Variants in ATP8A1 observed in about 807,000 individuals in gnomAD.
ATP8A1 encodes the protein ATPase phospholipid transporting 8A1.
Under a neutral mutation model 177.7 loss-of-function variants are expected in ATP8A1, and 90 were observed. That is an observed-to-expected ratio of 0.51 (90% CI 0.43 to 0.60). The LOEUF (loss-of-function observed/expected upper bound fraction) is 0.60. Among genes scored for constraint, ATP8A1 ranks in the 20% least tolerant of loss-of-function variants. The pLI is 0.00. For missense variants in ATP8A1, 1,072 were observed against 1,392.8 expected (o/e 0.77, Z 3.67); for synonymous variants, 493 against 485.9 (o/e 1.01, Z -0.19).
intron 6 of ATP8A1, among the ~76,000 whole-genome samples, chr4:42,593,528 G>C (rs1389886238): frequency 6.6e-6 from 1 of 151,716 alleles, no homozygotes; most frequent in Admixed American, 6.6e-5. Context: ...ATGATGACCT[G>C]ATTAAATAAA....
chr4:42,433,868 A>C (rs1319851430), intron 33 of ATP8A1, among the ~76,000 whole-genome samples: 1 of 151,504 alleles, frequency 6.6e-6, no homozygotes, highest in Non-Finnish European at 1.5e-5. Context: ...AAAAAAAAAA[A>C]CGATTAAAAA....
chr4:42,529,638 G>A (rs1727060123), intron 20 of ATP8A1, among the ~76,000 whole-genome samples: 1 of 152,226 alleles, frequency 6.6e-6, no homozygotes, highest in South Asian at 2.1e-4. Context: ...CTCATGGGGA[G>A]TTCCCTATGA....
intron 10 of ATP8A1, among the ~76,000 whole-genome samples, chr4:42,581,293 C>T (rs1168171713): frequency 6.6e-6 from 1 of 152,100 alleles, no homozygotes; most frequent in Non-Finnish European, 1.5e-5. Flanking sequence ...ACTACCACGC[C>T]CGGCTAATTT....
In ATP8A1 at chr4:42,423,442, C is replaced by T. The variant is rs1714221525; in HGVS notation, c.3212+175G>A. On this transcript the variant is annotated intron_variant, in intron 34 of 36. Coordinates refer to ENST00000381668, the MANE Select transcript of ATP8A1 (RefSeq NM_006095.2). ...AAACTACCCGCTTTACTACTCATTT[C>T]GTCTTTTAAACTAGTTTTCTAGTTC... 2.0e-5 allele frequency among the ~76,000 whole-genome samples: 3 copies of T among 152,120 alleles called. 1 individual carries two copies. The highest frequency in any genetic ancestry group is 4.1e-4 in the South Asian group (2 of 4,824).
intron 2 of ATP8A1, chr4:42,626,453 T>C (rs1489378795): frequency 6.6e-6 from 1 of 152,582 alleles, no homozygotes; most frequent in Admixed American, 6.5e-5. Flanking sequence ...GGTGTTTATG[T>C]GGTCCCAGAA....
At chr4:42,536,783 T>A (rs1727870329) in intron 20 of ATP8A1, among the ~76,000 whole-genome samples, 1 of 151,936 alleles carries the variant, frequency 6.6e-6, no homozygotes, top group African/African-American at 2.4e-5. Flanking sequence ...GCAGAGATGG[T>A]TTAACATCTG....
chr4:42,604,821 T>C (rs933416595), intron 5 of ATP8A1, among the ~76,000 whole-genome samples: 2 of 152,212 alleles, frequency 1.3e-5, no homozygotes, highest in African/African-American at 4.8e-5. Flanking sequence ...GGTATAGCCA[T>C]TAAATGGAAT....
intron 33 of ATP8A1, among the ~76,000 whole-genome samples, chr4:42,426,408 A>G (rs545274594): frequency 5.9e-5 from 9 of 152,184 alleles, no homozygotes; most frequent in Non-Finnish European, 1.3e-4. Flanking sequence ...TAGACATCTA[A>G]AACAGAAGGC....
At chr4:42,426,649 C>T (rs570911164) in intron 33 of ATP8A1, among the ~76,000 whole-genome samples, 1 of 152,304 alleles carries the variant, frequency 6.6e-6, no homozygotes, top group African/African-American at 2.4e-5. Flanking sequence ...TTTCAATTGT[C>T]AAATTTCTTT....
rs749513506 is a variant in ATP8A1 at position 42,574,642 on chromosome 4, G to A, written c.1272C>T (p.Cys424=). 9 of 1,609,780 alleles carry A rather than the reference G, an allele frequency of 5.6e-6. No homozygotes were observed. The highest frequency in any genetic ancestry group is 7.6e-6 in the Non-Finnish European group (9 of 1,178,806). ...LTCNVMQFKK[C]TIAGVAYGHV... ...ACCCATAAGCAACTCCCGCTATGGT[G>A]CACTTCTTAAACTGCATTACATTGC... Residue 424 remains cysteine (C), a synonymous_variant, in exon 14 of 37, where the codon TGC becomes TGT. Transcript: ENST00000381668.
intron 5 of ATP8A1, among the ~76,000 whole-genome samples, chr4:42,608,129 G>A (rs563299880): frequency 3.9e-4 from 59 of 152,010 alleles, no homozygotes; most frequent in Non-Finnish European, 6.9e-4. Context: ...TTTCTTTTTT[G>A]AATGAAAACA....
chr4:42,460,299 T>G (rs1412770519), intron 27 of ATP8A1, among the ~76,000 whole-genome samples: 1 of 151,836 alleles, frequency 6.6e-6, no homozygotes, highest in East Asian at 1.9e-4. Context: ...AACGAAAGTG[T>G]CAACGTACTG....
At chr4:42,611,032 C>T (rs528423976) in intron 5 of ATP8A1, among the ~76,000 whole-genome samples, 8 of 152,292 alleles carry the variant, frequency 5.3e-5, no homozygotes, top group Non-Finnish European at 7.4e-5. Context: ...AGATGAACTC[C>T]GCCTTGTTGT....
intron 14 of ATP8A1, 124 bp from the exon 15 acceptor site, chr4:42,569,329 T>G: frequency 1.8e-6 from 1 of 569,320 alleles, no homozygotes; most frequent in Non-Finnish European, 2.9e-6. Context: ...AAAATGAACT[T>G]TTAGTTGAAT....
At chr4:42,471,711 T>A (rs1720438719) in intron 25 of ATP8A1, 1 of 267,342 alleles carries the variant, frequency 3.7e-6, no homozygotes, top group Non-Finnish European at 7.4e-6. Context: ...TCAGAAAATA[T>A]CATCTAGTTA....
intron 15 of ATP8A1, among the ~76,000 whole-genome samples, chr4:42,565,022 CTT>C (rs1731215260): frequency 4.6e-5 from 7 of 152,196 alleles, no homozygotes; most frequent in Admixed American, 3.9e-4. Context: ...CAAGCTCTCT[CTT>C]TGCGTGCTGC....
chr4:42,532,762 A>G (rs1358320072), intron 20 of ATP8A1, among the ~76,000 whole-genome samples: 1 of 152,230 alleles, frequency 6.6e-6, no homozygotes, highest in Non-Finnish European at 1.5e-5. Flanking sequence ...TTGCATGTAT[A>G]CATCCAGATG....
intron 20 of ATP8A1, among the ~76,000 whole-genome samples, chr4:42,534,542 T>C (rs778388008): frequency 5.3e-5 from 8 of 152,152 alleles, no homozygotes; most frequent in Non-Finnish European, 1.0e-4. Context: ...TAAGAATAAT[T>C]GGTGTTCCTA....
chr4:42,546,739 A>G (rs909883112), intron 19 of ATP8A1, among the ~76,000 whole-genome samples: 3 of 152,012 alleles, frequency 2.0e-5, no homozygotes, highest in Non-Finnish European at 4.4e-5. Flanking sequence ...CACCATTACA[A>G]TGAATAGCTA....
Sources: gnomAD v4.1 joint callset for allele counts (sites outside exome capture counted in the v4.1 genomes callset) on GRCh38, gnomAD v4.1.1 for gene constraint, MANE v1.5 for transcripts, NCBI Gene and HGNC (gene_info 2026-07-23, HGNC 2026-07-21) for gene names.